SVIL: variants seen among roughly 807,000 people sequenced by gnomAD.
The protein encoded by SVIL is archvillin.
A neutral mutation model predicts 240.4 loss-of-function variants in SVIL; 101 were observed. The observed-to-expected ratio is 0.42, with a 90% confidence interval of 0.36 to 0.50. The LOEUF (loss-of-function observed/expected upper bound fraction) is 0.50. Ranked by LOEUF, SVIL falls within the 20% of genes least tolerant of loss-of-function variation. The pLI, the probability that SVIL is intolerant of heterozygous loss-of-function variation, is 0.01. For missense variants in SVIL, 2,512 were observed against 2,818.7 expected (o/e 0.89, Z 2.46); for synonymous variants, 999 against 1,100.0 (o/e 0.91, Z 1.82).
At chr10:29,712,112 G>A (rs1302212404) in intron 1 of SVIL, 1 of 152,156 alleles carries the variant, frequency 6.6e-6, no homozygotes, top group East Asian at 1.9e-4. Context: ...TAGAATTATA[G>A]AGAGGGAAGT....
intron 1 of SVIL, among the ~76,000 whole-genome samples, chr10:29,734,230 C>T (rs973683761): frequency 3.3e-5 from 5 of 152,270 alleles, no homozygotes; most frequent in Admixed American, 2.6e-4. Context: ...TCTTCATATA[C>T]ATTAAGTTTT....
At chr10:29,621,192 T>C (rs887952324) in intron 1 of SVIL, among the ~76,000 whole-genome samples, 3 of 152,134 alleles carry the variant, frequency 2.0e-5, no homozygotes, top group Non-Finnish European at 4.4e-5. Flanking sequence ...ACTCAAATTG[T>C]AGTTGAAAAG....
intron 2 of SVIL, among the ~76,000 whole-genome samples, chr10:29,563,651 TTTC>T (rs1954707518): frequency 6.6e-6 from 1 of 152,102 alleles, no homozygotes; most frequent in Non-Finnish European, 1.5e-5. Flanking sequence ...TGTGCTACAA[TTTC>T]TTCTTCAGAA....
At chr10:29,648,829 G>A (rs1021038749) in intron 3 of SVIL, among the ~76,000 whole-genome samples, 2 of 146,058 alleles carry the variant, frequency 1.4e-5, no homozygotes, top group East Asian at 4.0e-4. Context: ...AAAAAAAAAA[G>A]ATTCTAAAAG....
intron 29 of SVIL, among the ~76,000 whole-genome samples, chr10:29,476,616 G>A (rs1441132948): frequency 6.6e-6 from 1 of 152,102 alleles, no homozygotes; most frequent in Non-Finnish European, 1.5e-5. Context: ...TGTTGCCCAG[G>A]TTAGTCTGAA....
intron 7 of SVIL, 110 bp downstream of exon 7, chr10:29,535,879 G>T: frequency 9.3e-7 from 1 of 1,076,576 alleles, no homozygotes; most frequent in Non-Finnish European, 1.4e-6. Context: ...ATTTTCAAGT[G>T]CACTGGTATT....
intron 1 of SVIL, among the ~76,000 whole-genome samples, chr10:29,620,486 G>A (rs545250373): frequency 2.6e-5 from 4 of 152,070 alleles, no homozygotes; most frequent in South Asian, 2.1e-4. Flanking sequence ...TCAACTGTGC[G>A]GTTATTTTAA....
At chr10:29,539,956 C>T (rs1224219613) in intron 6 of SVIL, among the ~76,000 whole-genome samples, 3 of 152,056 alleles carry the variant, frequency 2.0e-5, no homozygotes, top group Non-Finnish European at 4.4e-5. Flanking sequence ...AGCAAGTTCT[C>T]TTGGGTACCT....
At chr10:29,679,589 C>T (rs1960471793) in intron 2 of SVIL, among the ~76,000 whole-genome samples, 2 of 146,536 alleles carry the variant, frequency 1.4e-5, no homozygotes, top group Admixed American at 1.4e-4. Flanking sequence ...GGGTCCCACT[C>T]TGTTGCCCTG....
chr10:29,540,942 G>A (rs1952104105), intron 6 of SVIL, among the ~76,000 whole-genome samples: 1 of 152,196 alleles, frequency 6.6e-6, no homozygotes, highest in Non-Finnish European at 1.5e-5. Flanking sequence ...TGAGGGGTTG[G>A]CAAAGCGATG....
At chr10:29,578,407 T>C (rs1277205032) in intron 1 of SVIL, among the ~76,000 whole-genome samples, 2 of 152,144 alleles carry the variant, frequency 1.3e-5, no homozygotes, top group South Asian at 2.1e-4. Flanking sequence ...GAATGGCGCC[T>C]ATGGCTCAAA....
intron 12 of SVIL, among the ~76,000 whole-genome samples, chr10:29,527,565 T>C (rs1951016410): frequency 6.6e-6 from 1 of 151,924 alleles, no homozygotes; most frequent in Non-Finnish European, 1.5e-5. Flanking sequence ...TAGCTGGGAT[T>C]ACAGGCGCGC....
rs368819382 is a variant in SVIL at position 29,487,308 on chromosome 10, G to A, written c.4349-9C>T. On this transcript the variant is annotated splice_polypyrimidine_tract_variant and intron_variant, in intron 23 of 37. Coordinates refer to ENST00000355867, the MANE Select transcript of SVIL (RefSeq NM_021738.3). The stretch of plus-strand genomic sequence containing the variant: ...CTGCACATGTCTTCTTCCTGAACAC[G>A]AGGCAGACAGTCACCGTCTTTCCAG... 93 of 1,613,802 alleles carry A rather than the reference G, an allele frequency of 5.8e-5. 1 individual carries two copies. In the Admixed American group the frequency reaches 9.8e-4, roughly 17 times the overall value.
chr10:29,557,436 G>GA (rs60645933), intron 3 of SVIL, among the ~76,000 whole-genome samples: 6,054 of 152,082 alleles, frequency 0.04, 368 homozygotes, highest in African/African-American at 0.14. Flanking sequence ...ATTTCAACTG[G>GA]ATAAGTATCA....
At chr10:29,609,914 A>C (rs1589380850) in intron 1 of SVIL, among the ~76,000 whole-genome samples, 1 of 152,226 alleles carries the variant, frequency 6.6e-6, no homozygotes, top group East Asian at 1.9e-4. Flanking sequence ...GGACAGAACA[A>C]GTCCAGCAGG....
At chr10:29,533,668 A>T (rs1445986595) in intron 7 of SVIL, among the ~76,000 whole-genome samples, 2 of 152,146 alleles carry the variant, frequency 1.3e-5, no homozygotes, top group Non-Finnish European at 2.9e-5. Context: ...GAGGTGCAAA[A>T]CTAACTCTAC....
chr10:29,693,677 C>G (rs1961695280), intron 1 of SVIL, among the ~76,000 whole-genome samples: 1 of 152,094 alleles, frequency 6.6e-6, no homozygotes, highest in Non-Finnish European at 1.5e-5. Flanking sequence ...AAGTGCCAGC[C>G]CTTTCCTTCT....
intron 16 of SVIL, among the ~76,000 whole-genome samples, chr10:29,516,065 G>A (rs1206591890): frequency 6.6e-6 from 1 of 152,212 alleles, no homozygotes; most frequent in Non-Finnish European, 1.5e-5. Context: ...TCGCCTGCCT[G>A]TGTGTAGCTT....
At chr10:29,594,681 C>T (rs371155003) in intron 1 of SVIL, among the ~76,000 whole-genome samples, 4 of 151,980 alleles carry the variant, frequency 2.6e-5, no homozygotes, top group Non-Finnish European at 1.5e-5. Flanking sequence ...CTCAGCCTCC[C>T]GAGTAGCTGG....
Sources: gnomAD v4.1 joint callset for allele counts (sites outside exome capture counted in the v4.1 genomes callset) on GRCh38, gnomAD v4.1.1 for gene constraint, MANE v1.5 for transcripts, NCBI Gene and HGNC (gene_info 2026-07-23, HGNC 2026-07-21) for gene names.